CELF2: variants seen among roughly 807,000 people sequenced by gnomAD.
The protein encoded by CELF2 is CUG triplet repeat RNA-binding protein 2.
CELF2 carries 8 observed loss-of-function variants against 62.6 expected under a neutral mutation model. The observed-to-expected ratio is 0.13, with a 90% CI of 0.07 to 0.23. The LOEUF is 0.23. Ranked by LOEUF, CELF2 falls within the 10% of genes least tolerant of loss-of-function variation. The pLI is 1.00. For synonymous variants in CELF2, 258 were observed against 250.0 expected, an observed-to-expected ratio of 1.03 and a Z score of -0.30; for missense variants, 333 against 671.0, an observed-to-expected ratio of 0.50 and a Z score of 5.56.
At chr10:10,930,882 C>T (rs1029501529) in intron 2 of CELF2, among the ~76,000 whole-genome samples, 1 of 152,070 alleles carries the variant, frequency 6.6e-6, no homozygotes. Flanking sequence ...AGTTAAAAAG[C>T]CTTTCTTATT....
the CELF2 span, among the ~76,000 whole-genome samples, chr10:10,565,816 C>T: frequency 6.6e-6 from 1 of 152,182 alleles, no homozygotes; most frequent in Non-Finnish European, 1.5e-5. Context: ...AAGGTAATAG[C>T]TATGCTTATC....
At chr10:10,734,635 G>GT in the CELF2 span, among the ~76,000 whole-genome samples, 3 of 152,230 alleles carry the variant, frequency 2.0e-5, no homozygotes, top group Non-Finnish European at 4.4e-5. Flanking sequence ...ACCCAAGAAT[G>GT]TGTGGGGTTA....
intron 1 of CELF2, among the ~76,000 whole-genome samples, chr10:11,162,183 GA>G (rs1347519372): frequency 6.6e-6 from 1 of 152,040 alleles, no homozygotes; most frequent in Non-Finnish European, 1.5e-5. Flanking sequence ...GGTGGGACCG[GA>G]CCACCTATTG....
At chr10:10,620,280 C>A in the CELF2 span, among the ~76,000 whole-genome samples, 1 of 151,954 alleles carries the variant, frequency 6.6e-6, no homozygotes, top group African/African-American at 2.4e-5. Context: ...TGCCTGGAAT[C>A]CCAGCTACAC....
chr10:10,501,454 T>G, the CELF2 span, among the ~76,000 whole-genome samples: 1 of 152,138 alleles, frequency 6.6e-6, no homozygotes, highest in African/African-American at 2.4e-5. Flanking sequence ...TTAGATTTTG[T>G]TTTTTTGTAT....
At chr10:10,672,549 A>G in the CELF2 span, among the ~76,000 whole-genome samples, 2 of 151,562 alleles carry the variant, frequency 1.3e-5, no homozygotes, top group African/African-American at 4.9e-5. Flanking sequence ...TTTGTTAAAA[A>G]TATTATGTCT....
At chr10:11,094,660 A>G (rs557645928) in intron 1 of CELF2, among the ~76,000 whole-genome samples, 1 of 152,370 alleles carries the variant, frequency 6.6e-6, no homozygotes, top group South Asian at 2.1e-4. Context: ...TTTTAAAGGT[A>G]GAAAAGAGTG....
chr10:11,277,647 G>C (rs2086648230), intron 8 of CELF2, among the ~76,000 whole-genome samples: 2 of 152,224 alleles, frequency 1.3e-5, no homozygotes, highest in South Asian at 4.1e-4. Flanking sequence ...TCAGCAATAT[G>C]TATAAACCAA....
intron 2 of CELF2, among the ~76,000 whole-genome samples, chr10:11,197,186 C>A (rs1379129839): frequency 6.6e-6 from 1 of 151,844 alleles, no homozygotes; most frequent in African/African-American, 2.4e-5. Flanking sequence ...TCATTTTACA[C>A]GGAAAAGAAA....
At chr10:10,586,864 G>A in the CELF2 span, among the ~76,000 whole-genome samples, 1 of 152,182 alleles carries the variant, frequency 6.6e-6, no homozygotes, top group Admixed American at 6.5e-5. Context: ...GGAGGAACCA[G>A]GTGGATTGTA....
At chr10:10,878,221 A>G (rs2061233559) in intron 1 of CELF2, among the ~76,000 whole-genome samples, 1 of 152,202 alleles carries the variant, frequency 6.6e-6, no homozygotes, top group African/African-American at 2.4e-5. Flanking sequence ...ACTCTCTGCT[A>G]GAAGGAAAGA....
chr10:10,660,463 C>T, the CELF2 span, among the ~76,000 whole-genome samples: 1 of 152,162 alleles, frequency 6.6e-6, no homozygotes, highest in Non-Finnish European at 1.5e-5. Flanking sequence ...TTATTCCAAC[C>T]ACCACTTACT....
At chr10:10,959,276 A>G (rs1372470867) in intron 2 of CELF2, among the ~76,000 whole-genome samples, 1 of 152,156 alleles carries the variant, frequency 6.6e-6, no homozygotes, top group Non-Finnish European at 1.5e-5. Flanking sequence ...GTGAGACTCC[A>G]TCTCAGAGAA....
chr10:10,512,535 T>C, the CELF2 span, among the ~76,000 whole-genome samples: 2,219 of 150,730 alleles, frequency 0.015, 60 homozygotes, highest in African/African-American at 0.051. Flanking sequence ...GCCTCCTGCC[T>C]CAGCCTCCTG....
chr10:10,796,083 C>G (rs1200809805), upstream of CELF2, among the ~76,000 whole-genome samples: 1 of 152,128 alleles, frequency 6.6e-6, no homozygotes, highest in Admixed American at 6.5e-5. Context: ...TTAAAAATCC[C>G]TTTTGAAAAG....
rs1170386007 is a variant in CELF2, at chr10:11,333,250, TC to T, written c.*4199del. The T allele has an allele frequency of 6.6e-6, 1 of 152,450 alleles. No individual in the cohort carries two copies. Among genetic ancestry groups the T allele is most frequent in the Non-Finnish European group, 1.5e-5 (1 of 68,038 alleles). 9.4% of individuals were successfully genotyped at this position (152,450 alleles called of 1,614,324 possible). On this transcript the variant is annotated 3_prime_UTR_variant, in exon 13 of 13. Coordinates refer to ENST00000633077, the MANE Select transcript of CELF2 (RefSeq NM_001326342.2). The stretch of plus-strand genomic sequence containing the variant: ...TTTGCCCTTCTCCAAAAAATAACCT[TC>T]CACAGAGACAAACTGTCCTTCTATC...
At chr10:10,893,861 C>A (rs1036280614) in intron 1 of CELF2, among the ~76,000 whole-genome samples, 1 of 152,138 alleles carries the variant, frequency 6.6e-6, no homozygotes, top group Middle Eastern at 3.2e-3. Flanking sequence ...GAAACCTCCC[C>A]CCATGATCTA....
intron 1 of CELF2, among the ~76,000 whole-genome samples, chr10:10,911,146 TAA>T (rs1564807150): frequency 9.2e-5 from 14 of 152,076 alleles, no homozygotes; most frequent in African/African-American, 3.4e-4. Context: ...AAAGCAAACA[TAA>T]GCCCTTCCCA....
chr10:11,174,729 G>T (rs1419636783), intron 2 of CELF2, among the ~76,000 whole-genome samples: 1 of 152,176 alleles, frequency 6.6e-6, no homozygotes, highest in Non-Finnish European at 1.5e-5. Context: ...GTCAAAACCT[G>T]TCTCTTTATA....
Sources: allele counts gnomAD v4.1 joint callset (sites outside exome capture counted in the v4.1 genomes callset), GRCh38; gene constraint gnomAD v4.1.1; transcripts MANE v1.5; gene names NCBI Gene and HGNC (gene_info 2026-07-23, HGNC 2026-07-21).